The following SLC7A2 variants were observed in gnomAD, a reference collection of about 807,000 sequenced individuals.
SLC7A2 encodes cationic amino acid transporter 2.
Under a neutral mutation model 58.9 loss-of-function variants are expected in SLC7A2, and 48 were observed. That is an observed-to-expected ratio of 0.82 (90% CI 0.65 to 1.04). The LOEUF is 1.04. SLC7A2 is among the 50% of genes least tolerant of loss of function. The pLI is 0.00. For missense variants in SLC7A2, 1,029 were observed against 818.8 expected, an observed-to-expected ratio of 1.26 and a Z score of -3.13; for synonymous variants, 363 against 314.5, an observed-to-expected ratio of 1.15 and a Z score of -1.63.
chr8:17,540,346 G>T (rs762556188), intron 2 of SLC7A2, among the ~76,000 whole-genome samples: 1 of 152,130 alleles, frequency 6.6e-6, no homozygotes, highest in Non-Finnish European at 1.5e-5. Flanking sequence ...AGTTTCTGAC[G>T]TATGTTTTTC....
chr8:17,500,517 A>T (rs1780603479), intron 1 of SLC7A2: 1 of 152,244 alleles, frequency 6.6e-6, no homozygotes, highest in South Asian at 2.1e-4. Context: ...TACTAAAAAT[A>T]TAAAAATTGG....
At chr8:17,494,793 A>T (rs896735621), upstream of SLC7A2, among the ~76,000 whole-genome samples, 4 of 152,256 alleles carry the variant, frequency 2.6e-5, no homozygotes, top group African/African-American at 9.6e-5. Flanking sequence ...GAATATGTTA[A>T]GTCAAGAACT....
At chr8:17,504,548 G>A (rs900768443) in intron 2 of SLC7A2, among the ~76,000 whole-genome samples, 1 of 152,022 alleles carries the variant, frequency 6.6e-6, no homozygotes, top group Non-Finnish European at 1.5e-5. Flanking sequence ...AATTCTATCC[G>A]GTTTATCAAT....
chr8:17,513,570 A>G (rs1031092307), intron 2 of SLC7A2, among the ~76,000 whole-genome samples: 5 of 152,190 alleles, frequency 3.3e-5, no homozygotes, highest in Admixed American at 1.3e-4. Flanking sequence ...CAGGATCTCC[A>G]TTGCCTTTAT....
chr8:17,554,887 CCTGT>C, intron 8 of SLC7A2, 188 bp downstream of exon 8: 1 of 1,589,244 alleles, frequency 6.3e-7, no homozygotes, highest in Non-Finnish European at 8.6e-7. Context: ...CCTGTCTATA[CCTGT>C]CTAGAATAAT....
At chr8:17,504,306 T>C (rs1431063494) in intron 2 of SLC7A2, among the ~76,000 whole-genome samples, 1 of 152,168 alleles carries the variant, frequency 6.6e-6, no homozygotes, top group East Asian at 1.9e-4. Context: ...ATCTTGTGGC[T>C]CTCCTGGACC....
chr8:17,545,585 A>G lies in SLC7A2; in HGVS notation c.532+979A>G, dbSNP rs531920835. Among the ~76,000 whole-genome samples, 2 of 151,094 alleles carry G rather than the reference A, an allele frequency of 1.3e-5. 1 individual carries two copies. Among genetic ancestry groups the G allele is most frequent in the South Asian group, 4.2e-4 (2 of 4,782 alleles). On this transcript the variant is annotated intron_variant, in intron 4 of 12. Coordinates refer to ENST00000494857, the MANE Select transcript of SLC7A2 (RefSeq NM_001370338.1). Reference sequence around the variant, plus strand: ...GCTGATTTTTGTATTTTTAGTAGAGACGGGGTTTCACTATGTTGGCCAGGC... The same window carrying G: ...GCTGATTTTTGTATTTTTAGTAGAGGCGGGGTTTCACTATGTTGGCCAGGC...
At chr8:17,547,128 A>G (rs964728477) in intron 4 of SLC7A2, among the ~76,000 whole-genome samples, 1 of 152,230 alleles carries the variant, frequency 6.6e-6, no homozygotes, top group Non-Finnish European at 1.5e-5. Context: ...TACTGCTATG[A>G]AGAAATACCC....
At chr8:17,560,715 TA>T (rs1283411872) in intron 10 of SLC7A2, among the ~76,000 whole-genome samples, 182 bp downstream of exon 10, 1 of 152,208 alleles carries the variant, frequency 6.6e-6, no homozygotes, top group Non-Finnish European at 1.5e-5. Context: ...TGTATAAATT[TA>T]TTGTATCTTG....
intron 2 of SLC7A2, among the ~76,000 whole-genome samples, chr8:17,503,114 G>A (rs185953888): frequency 1.3e-5 from 2 of 151,784 alleles, no homozygotes; most frequent in East Asian, 3.9e-4. Flanking sequence ...GCAGTGGCGC[G>A]ATCTCGGCTC....
chr8:17,522,461 G>C lies in SLC7A2; in HGVS notation c.-23+20159G>C, dbSNP rs1801053115. Among the ~76,000 whole-genome samples, 4 of 152,262 alleles carry C rather than the reference G, an allele frequency of 2.6e-5. No individual in the cohort carries two copies. The South Asian group carries it at 8.3e-4, about 32-fold the overall frequency. On this transcript the variant is annotated intron_variant, in intron 2 of 12. Coordinates refer to ENST00000494857, the MANE Select transcript of SLC7A2 (RefSeq NM_001370338.1). ...AAGCAGGACTGAACCTGCATCCGGG[G>C]CTTGAGTAGATTGTGCGCTTGTTTG... is the stretch of plus-strand genomic sequence containing the variant.
intron 1 of SLC7A2, chr8:17,498,807 C>A (rs1800045799): frequency 6.6e-6 from 1 of 152,182 alleles, no homozygotes; most frequent in Non-Finnish European, 1.5e-5. Context: ...TCTTTTCATT[C>A]CAGAATCTCT....
upstream of SLC7A2, among the ~76,000 whole-genome samples, chr8:17,496,851 C>T (rs748404510): frequency 2.6e-5 from 4 of 152,002 alleles, no homozygotes; most frequent in Non-Finnish European, 5.9e-5. Context: ...TTCCCCGGCC[C>T]GCGCCCACCG....
upstream of SLC7A2, among the ~76,000 whole-genome samples, chr8:17,494,620 A>G (rs1176266897): frequency 6.6e-6 from 1 of 152,226 alleles, no homozygotes; most frequent in African/African-American, 2.4e-5. Context: ...ATTTCTAAAA[A>G]TTCGATTCTA....
At chr8:17,555,680 C>G (rs1427801804) in intron 8 of SLC7A2, among the ~76,000 whole-genome samples, 2 of 152,160 alleles carry the variant, frequency 1.3e-5, no homozygotes, top group Non-Finnish European at 2.9e-5. Context: ...CATATCCTCT[C>G]CAACTCCATC....
intron 2 of SLC7A2, among the ~76,000 whole-genome samples, chr8:17,535,236 C>G (rs1001639363): frequency 2.6e-5 from 4 of 152,250 alleles, no homozygotes; most frequent in Non-Finnish European, 4.4e-5. Context: ...GAACTACCCT[C>G]TACTTGTTTA....
At chr8:17,528,656 C>T (rs1046432001) in intron 2 of SLC7A2, among the ~76,000 whole-genome samples, 3 of 152,132 alleles carry the variant, frequency 2.0e-5, no homozygotes, top group Non-Finnish European at 4.4e-5. Context: ...CGCCTGCCTC[C>T]GCCTCCCAAA....
chr8:17,564,373 A>G (rs990792908), intron 12 of SLC7A2, among the ~76,000 whole-genome samples: 4 of 152,244 alleles, frequency 2.6e-5, no homozygotes, highest in South Asian at 2.1e-4. Flanking sequence ...AATACAGTCT[A>G]TAAAGTTTGG....
In SLC7A2 at chr8:17,509,685, A is replaced by G. The variant is rs577637809; in HGVS notation, c.-23+7383A>G. Reference sequence around the variant, plus strand: ...TTATTTTTATTTTTTCGCCTCCAACAAAGTGATGTATGCAGAACAATGTTT... The same window carrying G: ...TTATTTTTATTTTTTCGCCTCCAACGAAGTGATGTATGCAGAACAATGTTT... On this transcript the variant is annotated intron_variant, in intron 2 of 12. Transcript: ENST00000494857. 7.2e-5 allele frequency among the ~76,000 whole-genome samples: 11 copies of G among 152,270 alleles called. No individual in the cohort carries two copies. In the East Asian group the frequency reaches 2.1e-3, roughly 29 times the overall value.
Sources: gnomAD v4.1 joint callset for allele counts (sites outside exome capture counted in the v4.1 genomes callset) on GRCh38, gnomAD v4.1.1 for gene constraint, MANE v1.5 for transcripts, NCBI Gene and HGNC (gene_info 2026-07-23, HGNC 2026-07-21) for gene names.